Variants in SDHA observed in about 807,000 individuals in gnomAD.
The protein encoded by SDHA is succinate dehydrogenase [ubiquinone] flavoprotein subunit, mitochondrial.
SDHA carries 48 observed loss-of-function variants against 78.4 expected under a neutral mutation model. The observed-to-expected ratio is 0.61, with a 90% CI of 0.49 to 0.78. The LOEUF (loss-of-function observed/expected upper bound fraction) is 0.78. Among genes scored for constraint, SDHA ranks in the 30% least tolerant of loss-of-function variants. The pLI is 0.00. For missense variants in SDHA, 680 were observed against 892.7 expected (o/e 0.76, Z 3.04); for synonymous variants, 326 against 353.9 (o/e 0.92, Z 0.88).
intron 11 of SDHA, among the ~76,000 whole-genome samples, chr5:247,490 C>T (rs897937526): frequency 6.6e-6 from 1 of 152,248 alleles, no homozygotes; most frequent in African/African-American, 2.4e-5. Context: ...CCTCTGGTCT[C>T]AAACGCAGAT....
At position 250,843 on chromosome 5, in the gene SDHA, A is replaced by G. The variant is rs114732070; in HGVS notation, c.1552-149A>G. On this transcript the variant is annotated intron_variant, in intron 11 of 14. Transcript: ENST00000264932. Reference sequence around the variant, plus strand: ...AAACTTCATTTTTAAGTTTGGAGTAATAAACTCATAGTCTGAATTTCCTAA... The same window carrying G: ...AAACTTCATTTTTAAGTTTGGAGTAGTAAACTCATAGTCTGAATTTCCTAA... 4.7e-4 allele frequency: 338 copies of G among 722,730 alleles called. No homozygotes were observed. The African/African-American group carries it at 5.4e-3, about 12-fold the overall frequency. 44.8% of individuals were successfully genotyped at this position (722,730 alleles called of 1,614,324 possible).
intron 6 of SDHA, among the ~76,000 whole-genome samples, chr5:229,882 T>G (rs1283977669): frequency 6.6e-6 from 1 of 150,916 alleles, no homozygotes; most frequent in Non-Finnish European, 1.5e-5. Context: ...TGGCCAGAGT[T>G]AACATTATAC....
chr5:256,598 C>T lies in SDHA; in HGVS notation c.*178C>T, dbSNP rs1737213467. The T allele has an allele frequency of 1.4e-5, 9 of 656,554 alleles. No individual in the cohort carries two copies. The highest frequency in any genetic ancestry group is 5.5e-5 in the East Asian group (2 of 36,352). The allele number at this position is 656,554 out of a possible 1,614,324, so 40.7% of individuals were successfully genotyped here. A position where few individuals can be genotyped will look rare whatever the true frequency, so the allele number is the denominator to read the frequency against. Reference sequence around the variant, plus strand: ...TGCCAGGAACCCAGTGGCCAGGGAGCGTGGCACTTACCTTTGTCCCTTGCT... The same window carrying T: ...TGCCAGGAACCCAGTGGCCAGGGAGTGTGGCACTTACCTTTGTCCCTTGCT... On this transcript the variant is annotated 3_prime_UTR_variant, in exon 15 of 15. Coordinates refer to ENST00000264932, the MANE Select transcript of SDHA (RefSeq NM_004168.4).
At chr5:227,608 C>G (rs151034755) in intron 5 of SDHA, 1 of 176,396 alleles carries the variant, frequency 5.7e-6, no homozygotes, top group Non-Finnish European at 1.2e-5. Context: ...CCCAGGCTTA[C>G]AAGAGCGACT....
At chr5:255,181 T>C (rs1369450455) in intron 14 of SDHA, among the ~76,000 whole-genome samples, 1 of 113,254 alleles carries the variant, frequency 8.8e-6, no homozygotes, top group African/African-American at 5.3e-5. Context: ...AGTTCACCTG[T>C]GTGGCATTTC....
chr5:250,170 G>C (rs1344615686), intron 11 of SDHA: 1 of 152,364 alleles, frequency 6.6e-6, no homozygotes, highest in Non-Finnish European at 1.5e-5. Context: ...GTGCATTACA[G>C]TGTTACGATT....
chr5:265,820 C>CAA, the SDHA span, among the ~76,000 whole-genome samples: 29,103 of 141,616 alleles, frequency 0.21, 4,072 homozygotes, highest in African/African-American at 0.4. Flanking sequence ...GATTCTGTCT[C>CAA]AAAAAAAAAA....
Position 256,711 on chromosome 5 carries a change from A to G in SDHA, c.*291A>G. On this transcript the variant is annotated 3_prime_UTR_variant, in exon 15 of 15. Coordinates refer to ENST00000264932, the MANE Select transcript of SDHA (RefSeq NM_004168.4). ...TCTTTTATTTCCAAATCCATTTGAA[A>G]TATTTTACTGTTGTGACTTTAGTCA... is the stretch of plus-strand genomic sequence containing the variant. The G allele has an allele frequency of 2.4e-6, 1 of 422,786 alleles. No homozygotes were observed. Among genetic ancestry groups the G allele is most frequent in the South Asian group, 3.4e-5 (1 of 29,216 alleles). 26.2% of individuals were successfully genotyped at this position (422,786 alleles called of 1,614,324 possible).
rs1560980939 is a variant in SDHA at position 218,395 on chromosome 5, C to CGGCGCCT, written c.46_52dup (p.Leu18ProfsTer23). 2 of 1,446,550 alleles carry CGGCGCCT rather than the reference C, an allele frequency of 1.4e-6. No individual in the cohort carries two copies. The highest frequency in any genetic ancestry group is 1.8e-6 in the Non-Finnish European group (2 of 1,108,928). 89.6% of individuals were successfully genotyped at this position (1,446,550 alleles called of 1,614,324 possible). Reference sequence around the variant, plus strand: ...GGGCCTGTCGCGGCTGCTGAGCGCTCGGCGCCTGGCGCTGGCCAAGGCGGT... The same window carrying CGGCGCCT: ...GGGCCTGTCGCGGCTGCTGAGCGCTCGGCGCCTGGCGCCTGGCGCTGGCCAAGGCGGT... On this transcript the variant is annotated frameshift_variant, in exon 1 of 15. Transcript: ENST00000264932. LOFTEE classifies it high-confidence loss of function.
At chr5:221,027 A>G (rs1734685644) in intron 1 of SDHA, among the ~76,000 whole-genome samples, 1 of 151,942 alleles carries the variant, frequency 6.6e-6, no homozygotes, top group African/African-American at 2.4e-5. Context: ...GTTAGCCAGA[A>G]TGGTCTCCAT....
At chr5:238,460 A>C (rs113444992) in intron 10 of SDHA, among the ~76,000 whole-genome samples, 1,551 of 136,918 alleles carry the variant, frequency 0.011, 21 homozygotes, top group African/African-American at 0.032. Flanking sequence ...TTTTTTTTTT[A>C]AGAGATAGTC....
At chr5:247,995 A>ATTAAC (rs55959130) in intron 11 of SDHA, among the ~76,000 whole-genome samples, 36,447 of 152,020 alleles carry the variant, frequency 0.24, 6,803 homozygotes, top group African/African-American at 0.52. Flanking sequence ...GAATCGCATT[A>ATTAAC]TTTAAATTTT....
chr5:255,089 T>C (rs1350357236), intron 14 of SDHA, among the ~76,000 whole-genome samples: 3 of 148,620 alleles, frequency 2.0e-5, no homozygotes, highest in African/African-American at 5.1e-5. Context: ...CGCAGCCTTT[T>C]TCCACACACG....
chr5:259,310 G>A (rs1323016397), downstream of SDHA, among the ~76,000 whole-genome samples: 2 of 52,810 alleles, frequency 3.8e-5, no homozygotes, highest in Non-Finnish European at 3.5e-5. Context: ...TCCGCCCCCC[G>A]CCAGAGCATT....
chr5:255,177 C>A (rs1442190225), intron 14 of SDHA, among the ~76,000 whole-genome samples: 1 of 152,054 alleles, frequency 6.6e-6, no homozygotes, highest in Non-Finnish European at 1.5e-5. Flanking sequence ...GCACAGTTCA[C>A]CTGTGTGGCA....
intron 1 of SDHA, among the ~76,000 whole-genome samples, chr5:223,127 A>G (rs1202526759): frequency 1.3e-5 from 2 of 152,240 alleles, no homozygotes; most frequent in Non-Finnish European, 2.9e-5. Context: ...CAGTAATACA[A>G]TATACACGTC....
At position 237,741 on chromosome 5, in the gene SDHA, C is replaced by T. The variant is rs555403836; in HGVS notation, c.1432+1142C>T. 5.9e-5 allele frequency among the ~76,000 whole-genome samples: 8 copies of T among 135,224 alleles called. 2 individuals carry two copies. The highest frequency in any genetic ancestry group is 9.0e-5 in the Non-Finnish European group (6 of 66,434). The allele number at this position is 135,224 out of a possible 152,430, so 88.7% of individuals were successfully genotyped here. The stretch of plus-strand genomic sequence containing the variant: ...GATTCAAGTGAAATAAAAACTAGCA[C>T]GGCTGTAACTTATAAACGTGCCCCC... On this transcript the variant is annotated intron_variant, in intron 10 of 14. Coordinates refer to ENST00000264932, the MANE Select transcript of SDHA (RefSeq NM_004168.4).
Position 251,413 on chromosome 5 carries a change from A to G in SDHA, c.1739A>G (p.Tyr580Cys), listed in dbSNP as rs372707443. The change falls in exon 13 of 15, where the codon TAC (tyrosine) becomes TGC (cysteine). Residue 580 changes from tyrosine (Y) to cysteine (C), a missense_variant. By Grantham distance (194) the Tyr-to-Cys change is radical. Coordinates refer to ENST00000264932, the MANE Select transcript of SDHA (RefSeq NM_004168.4). ...ATGCTGTGTGCGCTGCAGACCATCT[A>G]CGGAGCAGAGGCACGGAAGGAGTCA... ...NLMLCALQTI[Y>C]GAEARKESRG... 7 of 1,613,940 alleles carry G rather than the reference A, an allele frequency of 4.3e-6. No individual in the cohort carries two copies. The African/African-American group carries it at 5.3e-5, about 12-fold the overall frequency.
chr5:241,016 C>T (rs566623932), intron 11 of SDHA, among the ~76,000 whole-genome samples: 8 of 151,982 alleles, frequency 5.3e-5, no homozygotes, highest in South Asian at 2.1e-4. Context: ...AGGTAAACAG[C>T]GGTAGGACGT....
Sources: allele counts gnomAD v4.1 joint callset (sites outside exome capture counted in the v4.1 genomes callset), GRCh38; gene constraint gnomAD v4.1.1; transcripts MANE v1.5; gene names NCBI Gene and HGNC (gene_info 2026-07-23, HGNC 2026-07-21).